MGAT4C: variants seen among roughly 807,000 people sequenced by gnomAD.
MGAT4C encodes the protein alpha-1,3-mannosyl-glycoprotein 4-beta-N-acetylglucosaminyltransferase C.
A neutral mutation model predicts 40.1 loss-of-function variants in MGAT4C; 19 were observed. The ratio of observed to expected loss-of-function variants is 0.47; its 90% CI spans 0.33 to 0.70. The LOEUF (loss-of-function observed/expected upper bound fraction) is 0.70. Among genes scored for constraint, MGAT4C ranks in the 30% least tolerant of loss-of-function variants. The pLI is 0.02. For synonymous variants in MGAT4C, 181 were observed against 187.1 expected, an observed-to-expected ratio of 0.97 and a Z score of 0.27; for missense variants, 491 against 563.2, an observed-to-expected ratio of 0.87 and a Z score of 1.30.
chr12:86,715,648 C>A (rs1950633857), intron 2 of MGAT4C, among the ~76,000 whole-genome samples: 1 of 152,096 alleles, frequency 6.6e-6, no homozygotes, highest in South Asian at 2.1e-4. Flanking sequence ...GGCTCTTAAG[C>A]ATTATTCTTG....
chr12:86,058,060 AAG>A (rs893497428), intron 1 of MGAT4C, among the ~76,000 whole-genome samples: 7 of 152,094 alleles, frequency 4.6e-5, no homozygotes, highest in African/African-American at 9.7e-5. Flanking sequence ...ATTTTTATAA[AAG>A]AGAGAGTAAA....
chr12:86,782,315 G>A (rs1000298220), intron 1 of MGAT4C, among the ~76,000 whole-genome samples: 3 of 149,910 alleles, frequency 2.0e-5, no homozygotes, highest in African/African-American at 7.3e-5. Flanking sequence ...CCAAGTAGCT[G>A]GGACTACAGG....
intron 1 of MGAT4C, among the ~76,000 whole-genome samples, chr12:86,160,836 T>C (rs1241204499): frequency 2.6e-5 from 4 of 152,084 alleles, no homozygotes; most frequent in African/African-American, 7.2e-5. Context: ...TGTTCTTCAT[T>C]GTCCTTCTTA....
chr12:86,640,583 T>G (rs1395700968), intron 2 of MGAT4C, among the ~76,000 whole-genome samples: 3 of 152,038 alleles, frequency 2.0e-5, no homozygotes, highest in Non-Finnish European at 4.4e-5. Context: ...TTTGAAGGGT[T>G]TTTTGAGTCT....
intron 2 of MGAT4C, among the ~76,000 whole-genome samples, chr12:86,541,315 T>G (rs1324344828): frequency 6.6e-6 from 1 of 152,180 alleles, no homozygotes; most frequent in Admixed American, 6.5e-5. Context: ...TCAGACTAAA[T>G]TTATGAAAGT....
rs868598620 is a variant in MGAT4C, at chr12:86,435,005, G to C, written c.-120+152C>G. 4.6e-5 allele frequency among the ~76,000 whole-genome samples: 7 copies of C among 151,844 alleles called. 1 individual carries two copies. The highest frequency in any genetic ancestry group is 4.2e-4 in the South Asian group (2 of 4,814). On this transcript the variant is annotated intron_variant, in intron 3 of 7. Coordinates refer to the MGAT4C transcript ENST00000548651. The stretch of plus-strand genomic sequence containing the variant: ...AGTTTTATCTTGCTATAACATAAAG[G>C]CACAAAGCATAGTGAAAAAAATATT...
intron 1 of MGAT4C, among the ~76,000 whole-genome samples, chr12:86,114,190 C>T (rs1877950542): frequency 3.3e-5 from 5 of 151,724 alleles, no homozygotes; most frequent in African/African-American, 9.7e-5. Context: ...CCTGGTGTGT[C>T]GTCCCTTCTC....
chr12:86,044,399 C>T (rs191877475), intron 2 of MGAT4C, among the ~76,000 whole-genome samples: 100 of 152,236 alleles, frequency 6.6e-4, no homozygotes, highest in East Asian at 2.9e-3. Flanking sequence ...GTTCATTGGT[C>T]GGGCTGGGAT....
chr12:86,059,228 G>T (rs1298775487), intron 1 of MGAT4C, among the ~76,000 whole-genome samples: 1 of 152,070 alleles, frequency 6.6e-6, no homozygotes, highest in Non-Finnish European at 1.5e-5. Flanking sequence ...TGTATTTTTA[G>T]TAGAGATGGG....
intron 3 of MGAT4C, among the ~76,000 whole-genome samples, chr12:86,412,336 C>G (rs568706699): frequency 1.3e-5 from 2 of 152,292 alleles, no homozygotes; most frequent in Admixed American, 6.5e-5. Context: ...CCCTTGAGAG[C>G]AGCCATAGGG....
At chr12:86,097,215 G>A (rs1383101445) in intron 1 of MGAT4C, among the ~76,000 whole-genome samples, 1 of 151,630 alleles carries the variant, frequency 6.6e-6, no homozygotes, top group Non-Finnish European at 1.5e-5. Flanking sequence ...TATAAAGAGT[G>A]TTGTAGCTTA....
At chr12:86,789,737 A>T (rs1951992636) in intron 1 of MGAT4C, among the ~76,000 whole-genome samples, 1 of 152,150 alleles carries the variant, frequency 6.6e-6, no homozygotes, top group Non-Finnish European at 1.5e-5. Context: ...GCATAGTAGT[A>T]ATAAAGATGA....
chr12:86,547,830 G>C (rs1959205969), intron 2 of MGAT4C, among the ~76,000 whole-genome samples: 1 of 152,068 alleles, frequency 6.6e-6, no homozygotes, highest in Non-Finnish European at 1.5e-5. Flanking sequence ...TTGTGAAGAT[G>C]CAAAATTTCT....
At chr12:86,427,511 C>T (rs894203786) in intron 3 of MGAT4C, among the ~76,000 whole-genome samples, 1 of 152,064 alleles carries the variant, frequency 6.6e-6, no homozygotes, top group Non-Finnish European at 1.5e-5. Flanking sequence ...CCACCTTACA[C>T]ACACACAGAC....
At chr12:86,026,841 G>T (rs902061837) in intron 2 of MGAT4C, among the ~76,000 whole-genome samples, 2 of 151,852 alleles carry the variant, frequency 1.3e-5, no homozygotes, top group Non-Finnish European at 2.9e-5. Flanking sequence ...ATCTGTGTGT[G>T]TATAATTTCT....
intron 1 of MGAT4C, among the ~76,000 whole-genome samples, chr12:86,791,516 T>A (rs1361409027): frequency 6.6e-6 from 1 of 151,690 alleles, no homozygotes; most frequent in Admixed American, 6.6e-5. Flanking sequence ...AAAAAGTACA[T>A]AAATTATACA....
intron 2 of MGAT4C, among the ~76,000 whole-genome samples, chr12:86,665,178 C>T (rs1272959792): frequency 6.6e-6 from 1 of 152,002 alleles, no homozygotes; most frequent in Non-Finnish European, 1.5e-5. Flanking sequence ...TAGGATCAGC[C>T]CACAGCATAA....
chr12:86,077,409 A>T (rs890934665), intron 1 of MGAT4C, among the ~76,000 whole-genome samples: 1 of 152,252 alleles, frequency 6.6e-6, no homozygotes, highest in African/African-American at 2.4e-5. Context: ...CTTACATTAC[A>T]TGATAAAAAA....
At chr12:86,807,079 T>C (rs565897498) in intron 1 of MGAT4C, among the ~76,000 whole-genome samples, 8 of 152,036 alleles carry the variant, frequency 5.3e-5, no homozygotes, top group South Asian at 4.1e-4. Context: ...TATGAAACTA[T>C]ATATAAGTTG....
Sources: gnomAD v4.1 joint callset for allele counts (sites outside exome capture counted in the v4.1 genomes callset) on GRCh38, gnomAD v4.1.1 for gene constraint, MANE v1.5 for transcripts, NCBI Gene and HGNC (gene_info 2026-07-23, HGNC 2026-07-21) for gene names.